EBF2: variants seen among roughly 807,000 people sequenced by gnomAD.
The protein encoded by EBF2 is transcription factor COE2.
A neutral mutation model predicts 72.8 loss-of-function variants in EBF2; 21 were observed. That is an observed-to-expected ratio of 0.29 (90% CI 0.20 to 0.42). The LOEUF is 0.42. EBF2 is among the 10% of genes least tolerant of loss of function. EBF2 has a pLI of 1.00. For missense variants in EBF2, 637 were observed against 731.2 expected (o/e 0.87, Z 1.49); for synonymous variants, 299 against 274.2 (o/e 1.09, Z -0.89).
At chr8:25,907,382 T>C (rs1368000529) in intron 7 of EBF2, among the ~76,000 whole-genome samples, 2 of 116,506 alleles carry the variant, frequency 1.7e-5, no homozygotes, top group Non-Finnish European at 3.2e-5. Context: ...ATCACACCAC[T>C]GCTCTCCAGC....
At chr8:26,018,529 G>T (rs1309744104) in intron 6 of EBF2, among the ~76,000 whole-genome samples, 1 of 150,866 alleles carries the variant, frequency 6.6e-6, no homozygotes, top group Non-Finnish European at 1.5e-5. Context: ...AAATTAGCCG[G>T]GCGTGGTGTC....
chr8:25,888,061 G>A lies in EBF2; in HGVS notation c.752-89C>T, dbSNP rs1200158144. The stretch of plus-strand genomic sequence containing the variant: ...CCAGGCCCACATTGGAAGAAGAATT[G>A]TCTTGGGCCACGTATAAAATACACT... On this transcript the variant is annotated intron_variant, in intron 8 of 15. Coordinates refer to ENST00000520164, the MANE Select transcript of EBF2 (RefSeq NM_022659.4). The A allele has an allele frequency of 2.8e-6, 4 of 1,439,442 alleles. No individual in the cohort carries two copies. The East Asian group carries it at 7.0e-5, about 25-fold the overall frequency. The allele number at this position is 1,439,442 out of a possible 1,614,324, so 89.2% of individuals were successfully genotyped here.
intron 6 of EBF2, among the ~76,000 whole-genome samples, chr8:25,993,590 C>G (rs1054091397): frequency 2.0e-5 from 3 of 152,180 alleles, no homozygotes; most frequent in Non-Finnish European, 2.9e-5. Context: ...TTCTGCTACA[C>G]TCTGTCTCAA....
chr8:25,902,902 G>A (rs1713436524), intron 7 of EBF2, among the ~76,000 whole-genome samples: 1 of 152,220 alleles, frequency 6.6e-6, no homozygotes, highest in East Asian at 1.9e-4. Context: ...AGAAATCAGA[G>A]ATGGGTGTGT....
intron 6 of EBF2, among the ~76,000 whole-genome samples, chr8:26,008,902 T>G (rs1019351544): frequency 6.7e-6 from 1 of 150,138 alleles, no homozygotes; most frequent in African/African-American, 2.4e-5. Flanking sequence ...ACATGCTATG[T>G]GTGTGTAAAA....
At chr8:25,855,375 A>T (rs542685406) in intron 14 of EBF2, among the ~76,000 whole-genome samples, 1 of 152,196 alleles carries the variant, frequency 6.6e-6, no homozygotes, top group Non-Finnish European at 1.5e-5. Context: ...ACTGCCAGGA[A>T]GTGAAGTTTG....
intron 10 of EBF2, among the ~76,000 whole-genome samples, chr8:25,873,739 A>G (rs1267547333): frequency 6.6e-6 from 1 of 152,236 alleles, no homozygotes; most frequent in African/African-American, 2.4e-5. Flanking sequence ...GGAATAATAT[A>G]CATGGTTAAG....
At chr8:25,995,260 C>T (rs1244904008) in intron 6 of EBF2, among the ~76,000 whole-genome samples, 1 of 152,094 alleles carries the variant, frequency 6.6e-6, no homozygotes, top group African/African-American at 2.4e-5. Context: ...GAGCTGAGAT[C>T]GCACCACAGC....
intron 6 of EBF2, among the ~76,000 whole-genome samples, chr8:25,941,318 G>A (rs1204231216): frequency 6.6e-6 from 1 of 151,750 alleles, no homozygotes; most frequent in Non-Finnish European, 1.5e-5. Flanking sequence ...TGATTCTCCT[G>A]CCTCAGCCTC....
chr8:25,887,887 AAAG>A lies in EBF2; in HGVS notation c.834_836del (p.Phe279del). On this transcript the variant is annotated inframe_deletion, in exon 9 of 16. Coordinates refer to ENST00000520164, the MANE Select transcript of EBF2 (RefSeq NM_022659.4). ...TCCCAAACACCACTTGGAGACCATC[AAAG>A]AAGTTGTCCCCGATGATGATGACCA... 2 of 1,613,846 alleles carry A rather than the reference AAAG, an allele frequency of 1.2e-6. No individual in the cohort carries two copies. The highest frequency in any genetic ancestry group is 1.7e-6 in the Non-Finnish European group (2 of 1,179,870).
chr8:25,987,165 G>A (rs1254953154), intron 6 of EBF2, among the ~76,000 whole-genome samples: 1 of 152,218 alleles, frequency 6.6e-6, no homozygotes, highest in African/African-American at 2.4e-5. Context: ...ATCTGACTTA[G>A]CAAAGAGTCA....
intron 6 of EBF2, among the ~76,000 whole-genome samples, chr8:25,967,200 G>A (rs1211638953): frequency 1.3e-5 from 2 of 152,190 alleles, no homozygotes; most frequent in African/African-American, 4.8e-5. Context: ...GATGAAATGT[G>A]TTTATTAAAC....
chr8:25,931,989 T>C (rs1337129885), intron 6 of EBF2, among the ~76,000 whole-genome samples: 1 of 152,294 alleles, frequency 6.6e-6, no homozygotes, highest in Admixed American at 6.5e-5. Context: ...AGAGTTTGAT[T>C]GGCTTTGATC....
chr8:25,998,887 T>C (rs1055639439), intron 6 of EBF2, among the ~76,000 whole-genome samples: 1 of 152,136 alleles, frequency 6.6e-6, no homozygotes, highest in Admixed American at 6.5e-5. Flanking sequence ...ATACAGGAAA[T>C]ACACTCGTCA....
intron 11 of EBF2, among the ~76,000 whole-genome samples, chr8:25,862,185 T>C (rs1314514726): frequency 6.6e-6 from 1 of 152,232 alleles, no homozygotes; most frequent in Admixed American, 6.5e-5. Flanking sequence ...TAAATTGATG[T>C]ACTTTTTAAA....
chr8:25,915,847 C>T (rs922157542), intron 6 of EBF2, among the ~76,000 whole-genome samples: 1 of 152,096 alleles, frequency 6.6e-6, no homozygotes, highest in Non-Finnish European at 1.5e-5. Flanking sequence ...CAAGCTAATG[C>T]CTTTGGTAGC....
chr8:25,929,869 A>C (rs2117144320), intron 6 of EBF2, among the ~76,000 whole-genome samples: 1 of 152,288 alleles, frequency 6.6e-6, no homozygotes, highest in South Asian at 2.1e-4. Flanking sequence ...TTTACACACA[A>C]GAGAGGGGGA....
chr8:25,960,325 G>A (rs1370557558), intron 6 of EBF2, among the ~76,000 whole-genome samples: 5 of 152,152 alleles, frequency 3.3e-5, no homozygotes, highest in African/African-American at 7.2e-5. Context: ...CAGGGCCAGC[G>A]GTGGCTCTCT....
At chr8:26,005,865 A>G (rs1316959611) in intron 6 of EBF2, among the ~76,000 whole-genome samples, 1 of 151,404 alleles carries the variant, frequency 6.6e-6, no homozygotes, top group Non-Finnish European at 1.5e-5. Flanking sequence ...AATGATAGAA[A>G]GACTCATGCT....
Sources: allele counts gnomAD v4.1 joint callset (sites outside exome capture counted in the v4.1 genomes callset), GRCh38; gene constraint gnomAD v4.1.1; transcripts MANE v1.5; gene names NCBI Gene and HGNC (gene_info 2026-07-23, HGNC 2026-07-21).